AKAP12: variants seen among roughly 807,000 people sequenced by gnomAD.
AKAP12 encodes the protein A-kinase anchoring protein 12, also known as A-kinase anchor protein 12.
Under a neutral mutation model 79.9 loss-of-function variants are expected in AKAP12, and 32 were observed. That is an observed-to-expected ratio of 0.40 (90% CI 0.30 to 0.54). The LOEUF is 0.54. Ranked by LOEUF, AKAP12 falls within the 20% of genes least tolerant of loss-of-function variation. The pLI is 0.48. For synonymous variants in AKAP12, 808 were observed against 857.0 expected (o/e 0.94, Z 1.00); for missense variants, 2,074 against 2,177.0 (o/e 0.95, Z 0.94).
Position 151,321,913 on chromosome 6 carries a change from T to TGTTTTTTG in AKAP12, c.319+16010_319+16011insGTTTTTTG, listed in dbSNP as rs1264812282. 4.5e-4 allele frequency among the ~76,000 whole-genome samples: 66 copies of TGTTTTTTG among 146,228 alleles called. 1 individual carries two copies. The highest frequency in any genetic ancestry group is 1.6e-3 in the African/African-American group (64 of 38,812). On this transcript the variant is annotated intron_variant, in intron 3 of 4. Transcript: ENST00000402676. ...GCACATCAGCTTTATGTTTTTTTTT[T>TGTTTTTTG]TTTTTTTTTTTTTTTGACACAGTCT...
chr6:151,299,386 A>G lies in AKAP12; in HGVS notation c.163-6361A>G, dbSNP rs551524436. Among the ~76,000 whole-genome samples, 3 of 152,282 alleles carry G rather than the reference A, an allele frequency of 2.0e-5. No individual in the cohort carries two copies. The East Asian group carries it at 5.8e-4, about 29-fold the overall frequency. ...ACAGTGATAAAGTGAGTAAAAAGGA[A>G]ACCGTGTCTGTTCTCCCAATTTCCC... On this transcript the variant is annotated intron_variant, in intron 2 of 4. Coordinates refer to ENST00000402676, the MANE Select transcript of AKAP12 (RefSeq NM_005100.4).
At chr6:151,273,596 C>A (rs1050281698) in intron 2 of AKAP12, among the ~76,000 whole-genome samples, 1 of 152,142 alleles carries the variant, frequency 6.6e-6, no homozygotes, top group Admixed American at 6.5e-5. Flanking sequence ...TTTTTTCCAA[C>A]AATGAAGTTA....
intron 2 of AKAP12, among the ~76,000 whole-genome samples, chr6:151,257,093 A>C (rs1353437377): frequency 6.6e-6 from 1 of 152,090 alleles, no homozygotes; most frequent in African/African-American, 2.4e-5. Flanking sequence ...ATGCATGTGC[A>C]GGTTTGTTAG....
chr6:151,332,901 G>A (rs1441608205), intron 3 of AKAP12, among the ~76,000 whole-genome samples: 1 of 152,120 alleles, frequency 6.6e-6, no homozygotes, highest in African/African-American at 2.4e-5. Context: ...GGGCTTTCTG[G>A]GCATGGGAGA....
intron 2 of AKAP12, among the ~76,000 whole-genome samples, chr6:151,243,743 T>C (rs1472508681): frequency 6.6e-6 from 1 of 152,164 alleles, no homozygotes; most frequent in Non-Finnish European, 1.5e-5. Flanking sequence ...GGGTTTAATT[T>C]TGAGACATGG....
intron 3 of AKAP12, among the ~76,000 whole-genome samples, chr6:151,306,378 T>C (rs1057169276): frequency 2.6e-5 from 4 of 152,180 alleles, no homozygotes; most frequent in Non-Finnish European, 5.9e-5. Flanking sequence ...AGTGACCGTT[T>C]GGACACAGTA....
chr6:151,298,757 CTA>C (rs1221319252), intron 2 of AKAP12: 2 of 150,826 alleles, frequency 1.3e-5, no homozygotes, highest in African/African-American at 4.9e-5. Flanking sequence ...GATGGCACCA[CTA>C]TGCTGCAGCC....
rs115098997 is a variant in AKAP12 at position 151,352,736 on chromosome 6, G to A, written c.4345G>A (p.Ala1449Thr). Residue 1449 changes from alanine to threonine, a missense_variant, in exon 4 of 5, where the codon GCA becomes ACA. By Grantham distance (58) the Ala-to-Thr change is moderately conservative (BLOSUM62 0). Around this residue, in one of 3 missense-constraint regions of AKAP12, gnomAD observed 614 missense variants for 665.6 expected, o/e 0.92. Transcript: ENST00000402676. ...AGGTGAAACGTTGGAGCCTGCAGGT[G>A]CACATTTAGTTCTGGAAGAGAAATC... The part of the protein sequence containing the change: ...ETGETLEPAG[A>T]HLVLEEKSSE... 4,906 of 1,614,174 alleles carry A rather than the reference G, an allele frequency of 3.0e-3. 127 individuals carry two copies. In the African/African-American group the frequency reaches 0.058, roughly 19 times the overall value.
At position 151,350,088 on chromosome 6, in the gene AKAP12, C is replaced by A. The variant is rs780336971; in HGVS notation, c.1697C>A (p.Ser566Tyr). 1.2e-6 allele frequency: 2 copies of A among 1,613,948 alleles called. No individual in the cohort carries two copies. The highest frequency in any genetic ancestry group is 1.7e-5 in the Admixed American group (1 of 60,004). Residue 566 changes from serine (S) to tyrosine (Y), a missense_variant, in exon 4 of 5, where the codon TCT (serine) becomes TAT (tyrosine). This residue lies in a region of AKAP12 where 1,428 missense variants were observed against 1,451.0 expected (regional missense o/e 0.98). Transcript: ENST00000402676. The surrounding 1 kb of genome is among the most constrained non-coding windows in gnomAD (Gnocchi z 4.8). ...CAGGAGGAGCAAAAGGGCGAGAGCT[C>A]TGCCTCATCCCCTGAGGAGCCCGAG... ...DSQEEQKGES[S>Y]ASSPEEPEEI...
intron 3 of AKAP12, among the ~76,000 whole-genome samples, chr6:151,342,529 G>A (rs1457863111): frequency 6.6e-6 from 1 of 152,206 alleles, no homozygotes; most frequent in African/African-American, 2.4e-5. Flanking sequence ...CCCCAGCACA[G>A]AGGGTACGTG....
chr6:151,268,418 A>AAAAC lies in AKAP12; in HGVS notation c.162+27706_162+27709dup, dbSNP rs1192671809. Among the ~76,000 whole-genome samples the AAAAC allele has an allele frequency of 7.9e-5, 12 of 152,296 alleles. No homozygotes were observed. In the South Asian group the frequency reaches 2.3e-3, roughly 29 times the overall value. ...AGCAACAAGAGTGAAACTCCGTCTC[A>AAAAC]AAACAAACAAACAAAAAAATAGTGT... On this transcript the variant is annotated intron_variant, in intron 2 of 4. Transcript: ENST00000402676.
At position 151,357,305 on chromosome 6, in the gene AKAP12, C is replaced by T. The variant is rs72996091; in HGVS notation, c.*1591C>T. 5,984 of 152,450 alleles carry T rather than the reference C, an allele frequency of 0.039. 145 individuals carry two copies. Among genetic ancestry groups the T allele is most frequent in the Non-Finnish European group, 0.054 (3,710 of 68,176 alleles). 9.4% of individuals were successfully genotyped at this position (152,450 alleles called of 1,614,324 possible). A position where few individuals can be genotyped will look rare whatever the true frequency, so the allele number is the denominator to read the frequency against. On this transcript the variant is annotated 3_prime_UTR_variant, in exon 5 of 5. Coordinates refer to ENST00000402676, the MANE Select transcript of AKAP12 (RefSeq NM_005100.4). ...CCGGATTCCAGCGATTCTCCTGCCT[C>T]AGCCTACATTAAGGGTTTTGTCAGA... is the stretch of plus-strand genomic sequence containing the variant.
In AKAP12 at chr6:151,340,103, T is replaced by A. The variant is rs538231001; in HGVS notation, c.320-8608T>A. ...ACAATGCCCGGCTAATTTTTGTTTG[T>A]TTGTTTGTTTTAGTAGAGACGGGGT... On this transcript the variant is annotated intron_variant, in intron 3 of 4. Transcript: ENST00000402676. 4.0e-5 allele frequency among the ~76,000 whole-genome samples: 6 copies of A among 151,874 alleles called. No homozygotes were observed. In the South Asian group the frequency reaches 1.0e-3, roughly 26 times the overall value.
At chr6:151,285,932 A>G (rs2485545) in intron 2 of AKAP12, among the ~76,000 whole-genome samples, 2 of 151,398 alleles carry the variant, frequency 1.3e-5, no homozygotes, top group Non-Finnish European at 2.9e-5. Flanking sequence ...GGCTGGAGTG[A>G]AATGGCGCAA....
chr6:151,268,945 GTTTTTTTTTTTTTTTT>G lies in AKAP12; in HGVS notation c.162+28240_162+28255del, dbSNP rs558502756. Among the ~76,000 whole-genome samples the G allele has an allele frequency of 2.2e-3, 168 of 77,440 alleles. 3 individuals carry two copies. In the East Asian group the frequency reaches 0.038, roughly 17 times the overall value. 50.8% of individuals were successfully genotyped at this position (77,440 alleles called of 152,430 possible). ...AGGCATGAGCCACCGTGCTCGGCCT[GTTTTTTTTTTTTTTTT>G]TTTTTTTTTTTTTTTTTTAATCAAC... On this transcript the variant is annotated intron_variant, in intron 2 of 4. Transcript: ENST00000402676.
At chr6:151,278,044 A>G (rs1026847498) in intron 2 of AKAP12, among the ~76,000 whole-genome samples, 8 of 151,946 alleles carry the variant, frequency 5.3e-5, no homozygotes, top group Non-Finnish European at 1.0e-4. Flanking sequence ...GTCCTCTTTT[A>G]TATTTTATTT....
At chr6:151,261,256 T>G (rs944473728) in intron 2 of AKAP12, among the ~76,000 whole-genome samples, 1 of 151,006 alleles carries the variant, frequency 6.6e-6, no homozygotes, top group African/African-American at 2.4e-5. Context: ...GGTGGGCGCC[T>G]GCAATCTCAG....
chr6:151,340,040 C>T (rs1173850348), intron 3 of AKAP12, among the ~76,000 whole-genome samples: 1 of 152,112 alleles, frequency 6.6e-6, no homozygotes, highest in Non-Finnish European at 1.5e-5. Context: ...AATTCTCTGC[C>T]TCAGCCTCCC....
chr6:151,288,469 G>A (rs1776550831), intron 2 of AKAP12, among the ~76,000 whole-genome samples: 1 of 152,110 alleles, frequency 6.6e-6, no homozygotes, highest in Non-Finnish European at 1.5e-5. Flanking sequence ...CTGAGATCGC[G>A]CCGCTGTACT....
Sources: allele counts gnomAD v4.1 joint callset (sites outside exome capture counted in the v4.1 genomes callset), GRCh38; gene constraint gnomAD v4.1.1; regional missense constraint gnomAD v4.1.1; non-coding constraint Gnocchi (gnomAD v3.1); transcripts MANE v1.5; gene names NCBI Gene and HGNC (gene_info 2026-07-23, HGNC 2026-07-21).